RARB: variants seen among roughly 807,000 people sequenced by gnomAD.
The protein encoded by RARB is retinoic acid receptor beta.
A neutral mutation model predicts 51.9 loss-of-function variants in RARB; 17 were observed. That is an observed-to-expected ratio of 0.33 (90% CI 0.22 to 0.49). RARB has a LOEUF of 0.49. RARB is among the 20% of genes least tolerant of loss of function. RARB has a pLI of 0.99. For missense variants in RARB, 369 were observed against 550.8 expected (o/e 0.67, Z 3.30); for synonymous variants, 215 against 195.4 (o/e 1.10, Z -0.84).
intron 3 of RARB, among the ~76,000 whole-genome samples, chr3:25,095,953 G>T (rs899462069): frequency 6.6e-6 from 1 of 152,110 alleles, no homozygotes; most frequent in East Asian, 1.9e-4. Flanking sequence ...CAGAAAGCAG[G>T]CTCCACCGCC....
chr3:24,948,317 T>C (rs536907759), intron 2 of RARB, among the ~76,000 whole-genome samples: 37 of 152,354 alleles, frequency 2.4e-4, no homozygotes, highest in Non-Finnish European at 4.3e-4. Flanking sequence ...CACATATGAC[T>C]GAAATTCTGG....
chr3:25,032,466 G>T (rs1403819853), intron 2 of RARB, among the ~76,000 whole-genome samples: 8 of 152,208 alleles, frequency 5.3e-5, no homozygotes, highest in African/African-American at 1.9e-4. Flanking sequence ...TTCCACCCCA[G>T]AATGAGACTG....
At position 25,594,560 on chromosome 3, in the gene RARB, A is replaced by C. The variant is rs752144099; in HGVS notation, c.1032A>C (p.Leu344=). 1.2e-6 allele frequency: 2 copies of C among 1,613,582 alleles called. No individual in the cohort carries two copies. The highest frequency in any genetic ancestry group is 1.7e-6 in the Non-Finnish European group (2 of 1,179,792). ...DLEEPTKVDK[L]QEPLLEALKI... is the part of the protein sequence containing the mutation. ...AGGAACCGACAAAAGTAGATAAGCT[A>C]CAAGAACCATTGCTGGAAGCACTAA... The change falls in exon 7 of 8, where the codon CTA becomes CTC. Residue 344 remains leucine, a synonymous_variant. Transcript: ENST00000330688.
At chr3:25,146,053 T>C (rs1020093326) in intron 4 of RARB, among the ~76,000 whole-genome samples, 62 of 152,010 alleles carry the variant, frequency 4.1e-4, no homozygotes, top group Non-Finnish European at 1.9e-4. Context: ...AACATGTATG[T>C]GAGTCCTAGA....
At chr3:25,569,638 A>T in intron 3 of RARB, 120 bp from the exon 4 acceptor site, 1 of 1,195,042 alleles carries the variant, frequency 8.4e-7, no homozygotes, top group Non-Finnish European at 1.2e-6. Context: ...ACCTCTTCCC[A>T]CTGTTTCTGT....
intron 3 of RARB, among the ~76,000 whole-genome samples, chr3:25,115,603 T>C (rs925645504): frequency 6.6e-6 from 1 of 151,790 alleles, no homozygotes; most frequent in Non-Finnish European, 1.5e-5. Flanking sequence ...TTTCTTCTTT[T>C]CTTTCTTTCT....
At chr3:25,240,381 A>G (rs952986585) in intron 5 of RARB, among the ~76,000 whole-genome samples, 2 of 152,182 alleles carry the variant, frequency 1.3e-5, no homozygotes, top group Non-Finnish European at 2.9e-5. Context: ...AGAAGTGGTG[A>G]AAGTATGCAT....
chr3:25,069,019 A>C (rs1698718705), intron 3 of RARB, among the ~76,000 whole-genome samples: 1 of 151,896 alleles, frequency 6.6e-6, no homozygotes, highest in South Asian at 2.1e-4. Context: ...CTCTGAAAAA[A>C]AAAAAACACA....
chr3:25,159,958 A>G (rs1700447616), intron 4 of RARB, among the ~76,000 whole-genome samples: 1 of 152,084 alleles, frequency 6.6e-6, no homozygotes, highest in Admixed American at 6.5e-5. Context: ...TCTCCTCCCA[A>G]CTCTCTTGAA....
At chr3:25,509,050 G>C (rs562554860) in intron 3 of RARB, among the ~76,000 whole-genome samples, 1 of 152,074 alleles carries the variant, frequency 6.6e-6, no homozygotes, top group Non-Finnish European at 1.5e-5. Flanking sequence ...TCCTGGAGAG[G>C]GGACACTCAG....
chr3:25,271,086 CA>C (rs1703246935), intron 5 of RARB, among the ~76,000 whole-genome samples: 2 of 152,142 alleles, frequency 1.3e-5, no homozygotes, highest in Middle Eastern at 3.2e-3. Flanking sequence ...GCAATTAGAA[CA>C]TAAGTCTCTT....
chr3:25,445,819 C>T (rs1275253089), intron 1 of RARB, among the ~76,000 whole-genome samples: 1 of 152,076 alleles, frequency 6.6e-6, no homozygotes. Context: ...TCATTTTGGA[C>T]GTTGAAAGCT....
intron 3 of RARB, among the ~76,000 whole-genome samples, chr3:25,532,242 T>C (rs1453682969): frequency 6.6e-6 from 1 of 152,194 alleles, no homozygotes; most frequent in African/African-American, 2.4e-5. Context: ...ATATTGAATA[T>C]CCCTAAACCC....
intron 2 of RARB, among the ~76,000 whole-genome samples, chr3:24,951,725 A>AC (rs1032332096): frequency 2.9e-4 from 44 of 151,682 alleles, no homozygotes; most frequent in African/African-American, 8.0e-4. Context: ...AATGCCAATG[A>AC]CCCCCCAAAG....
chr3:25,176,334 T>TTTCTTTCC (rs1190167218), intron 5 of RARB, among the ~76,000 whole-genome samples: 2 of 108,558 alleles, frequency 1.8e-5, no homozygotes, highest in East Asian at 5.8e-4. Context: ...TCTTTCTTTC[T>TTTCTTTCC]TTCCTTCCTT....
Position 24,993,030 on chromosome 3 carries a change from A to T in RARB, c.-379-67095A>T, listed in dbSNP as rs561167792. ...TAAAGGAACATTAAATGTTACAGAA[A>T]TAAAAAATATTAGAAATCTATATAC... On this transcript the variant is annotated intron_variant, in intron 2 of 11. Transcript: ENST00000383772. Among the ~76,000 whole-genome samples the T allele has an allele frequency of 3.9e-5, 6 of 152,328 alleles. No homozygotes were observed. In the South Asian group the frequency reaches 1.2e-3, roughly 32 times the overall value.
intron 2 of RARB, among the ~76,000 whole-genome samples, chr3:25,042,144 C>G (rs530430908): frequency 3.3e-5 from 5 of 152,166 alleles, no homozygotes; most frequent in Admixed American, 6.5e-5. Context: ...TCAGACCTTA[C>G]CATTTTTCTA....
chr3:25,174,236 T>A (rs1197453218), exon 5 of RARB: 1 of 431,928 alleles, frequency 2.3e-6, no homozygotes, highest in Non-Finnish European at 4.0e-6. Context: ...AGAGAAACCA[T>A]GCTGGGAAGA....
At chr3:25,345,737 T>C (rs1374769639) in intron 5 of RARB, among the ~76,000 whole-genome samples, 1 of 151,798 alleles carries the variant, frequency 6.6e-6, no homozygotes, top group Non-Finnish European at 1.5e-5. Flanking sequence ...TAAAAAGATA[T>C]TGTTAATCGT....
Sources: allele counts gnomAD v4.1 joint callset (sites outside exome capture counted in the v4.1 genomes callset), GRCh38; gene constraint gnomAD v4.1.1; transcripts MANE v1.5; gene names NCBI Gene and HGNC (gene_info 2026-07-23, HGNC 2026-07-21).